Variants in NEIL3 observed in about 807,000 individuals in gnomAD.
NEIL3 encodes the protein endonuclease 8-like 3.
Under a neutral mutation model 57.5 loss-of-function variants are expected in NEIL3, and 48 were observed. That is an observed-to-expected ratio of 0.83 (90% confidence interval 0.66 to 1.06). NEIL3 has a LOEUF of 1.06. Ranked by LOEUF, NEIL3 falls within the 50% of genes least tolerant of loss-of-function variation. The probability of loss-of-function intolerance (pLI) is 0.00; values close to 1 mark genes in which losing one functional copy is unlikely to be tolerated. For synonymous variants in NEIL3, 261 were observed against 253.2 expected, an observed-to-expected ratio of 1.03 and a Z score of -0.29; for missense variants, 717 against 739.1, an observed-to-expected ratio of 0.97 and a Z score of 0.35.
intron 1 of NEIL3, among the ~76,000 whole-genome samples, chr4:177,310,560 T>C (rs1456003039): frequency 6.6e-6 from 1 of 152,218 alleles, no homozygotes; most frequent in Admixed American, 6.5e-5. Flanking sequence ...TCACAACTAG[T>C]ATATAATTCT....
chr4:177,339,718 C>T lies in NEIL3; in HGVS notation c.628-65C>T, dbSNP rs12645561. 0.13 allele frequency: 132,369 copies of T among 1,016,098 alleles called. 9,914 individuals carry two copies. The highest frequency in any genetic ancestry group is 0.32 in the East Asian group (13,197 of 41,652). The allele number at this position is 1,016,098 out of a possible 1,614,324, so 62.9% of individuals were successfully genotyped here. A position where few individuals can be genotyped will look rare whatever the true frequency, so the allele number is the denominator to read the frequency against. On this transcript the variant is annotated intron_variant, in intron 4 of 9. Transcript: ENST00000264596. ...GTTCTCTTTCACAGAATTGGCAAGGCGTATTATTTCTTACAGTAATGAGCA... is the reference window on the plus strand; with the variant it reads ...GTTCTCTTTCACAGAATTGGCAAGGTGTATTATTTCTTACAGTAATGAGCA...
chr4:177,322,614 CTA>C, intron 2 of NEIL3, 34 bp downstream of exon 2: 1 of 1,612,484 alleles, frequency 6.2e-7, no homozygotes, highest in Non-Finnish European at 8.5e-7. Flanking sequence ...TCTTATCTCT[CTA>C]TATTTAAAGA....
At chr4:177,326,734 T>C (rs1734786141) in intron 2 of NEIL3, among the ~76,000 whole-genome samples, 1 of 152,234 alleles carries the variant, frequency 6.6e-6, no homozygotes, top group African/African-American at 2.4e-5. Flanking sequence ...TCTTTATCAG[T>C]ATTTTGTAAT....
At chr4:177,353,765 CTTTTTT>C in intron 8 of NEIL3, 37 bp downstream of exon 8, 8 of 1,214,604 alleles carry the variant, frequency 6.6e-6, no homozygotes, top group South Asian at 4.2e-5. Context: ...AAGATAATTG[CTTTTTT>C]TTTTTTTTTT....
intron 6 of NEIL3, 143 bp downstream of exon 6, chr4:177,341,785 G>A (rs1315520343): frequency 1.4e-6 from 1 of 719,096 alleles, no homozygotes; most frequent in African/African-American, 1.8e-5. Context: ...AAAGGAAATA[G>A]TAAATAATGT....
At position 177,351,364 on chromosome 4, in the gene NEIL3, A is replaced by T. The variant is rs188829814; in HGVS notation, c.870-16A>T. On this transcript the variant is annotated splice_polypyrimidine_tract_variant and intron_variant, in intron 6 of 9. Transcript: ENST00000264596. ...GGCAATAATAACAATGATTAATTTT[A>T]AAAATTATCTTATAGCAAGCTACCG... The T allele has an allele frequency of 4.4e-4, 696 of 1,579,372 alleles. 3 individuals carry two copies. The African/African-American group carries it at 8.5e-3, about 19-fold the overall frequency.
intron 4 of NEIL3, among the ~76,000 whole-genome samples, chr4:177,336,747 T>C (rs35079189): frequency 0.022 from 3,379 of 152,350 alleles, 68 homozygotes; most frequent in Admixed American, 0.061. Flanking sequence ...AGGCATTAGA[T>C]ATTAATATTT....
At chr4:177,332,864 C>T (rs1057331412) in intron 2 of NEIL3, among the ~76,000 whole-genome samples, 1 of 152,132 alleles carries the variant, frequency 6.6e-6, no homozygotes, top group African/African-American at 2.4e-5. Flanking sequence ...GGGCTTGTCA[C>T]ATTTTGGAAT....
intron 6 of NEIL3, among the ~76,000 whole-genome samples, chr4:177,341,969 C>A (rs571751106): frequency 6.6e-6 from 1 of 152,300 alleles, no homozygotes; most frequent in East Asian, 1.9e-4. Context: ...AAAGTCTCTG[C>A]TTCACTTAGA....
At position 177,310,158 on chromosome 4, in the gene NEIL3, AT is replaced by A. The variant is rs772556908; in HGVS notation, c.156+50del. On this transcript the variant is annotated intron_variant, in intron 1 of 9. Coordinates refer to ENST00000264596, the MANE Select transcript of NEIL3 (RefSeq NM_018248.3). ...ATGCAGTCAGCAGGGGGGAAATGGA[AT>A]AAAGACCCCATCAGGGTTCCAGGAT... 5 of 1,477,056 alleles carry A rather than the reference AT, an allele frequency of 3.4e-6. No homozygotes were observed. In the East Asian group the frequency reaches 1.1e-4, roughly 32 times the overall value. 91.5% of individuals were successfully genotyped at this position (1,477,056 alleles called of 1,614,324 possible).
chr4:177,352,841 AAG>A (rs34568171), intron 7 of NEIL3, among the ~76,000 whole-genome samples: 45,558 of 150,286 alleles, frequency 0.3, 8,204 homozygotes, highest in Middle Eastern at 0.53. Context: ...AAAAAAAAAA[AAG>A]AAGATGTTAA....
chr4:177,339,116 G>A (rs901474826), intron 4 of NEIL3, among the ~76,000 whole-genome samples: 2 of 152,084 alleles, frequency 1.3e-5, no homozygotes, highest in Non-Finnish European at 2.9e-5. Flanking sequence ...AGGAATTGGG[G>A]TGCTAACCCC....
intron 5 of NEIL3, among the ~76,000 whole-genome samples, chr4:177,340,877 A>G (rs1023385014): frequency 1.3e-5 from 2 of 152,180 alleles, no homozygotes; most frequent in African/African-American, 4.8e-5. Context: ...TTGAAGTAGA[A>G]TTTATACCAA....
intron 6 of NEIL3, among the ~76,000 whole-genome samples, chr4:177,346,356 A>G (rs1031892683): frequency 2.7e-4 from 41 of 151,578 alleles, no homozygotes; most frequent in African/African-American, 9.7e-4. Flanking sequence ...ATTTTTAGAG[A>G]TGGAATCTTG....
chr4:177,351,516 G>C lies in NEIL3; in HGVS notation c.1006G>C (p.Ala336Pro), dbSNP rs1735352403. ...TTTAATCAATAAGCCCTCTTCTAAG[G>C]CATGTGATGCTTGCTTGACCTCAAG... The part of the protein sequence containing the change: ...CTLINKPSSK[A>P]CDACLTSRPI... Residue 336 changes from alanine to proline, a missense_variant, in exon 7 of 10, where the codon GCA becomes CCA. Physicochemically the swap from Ala to Pro is conservative, Grantham distance 27. Coordinates refer to ENST00000264596, the MANE Select transcript of NEIL3 (RefSeq NM_018248.3). 1 of 1,613,448 alleles carries C rather than the reference G, an allele frequency of 6.2e-7. No homozygotes were observed. Among genetic ancestry groups the C allele is most frequent in the Non-Finnish European group, 8.5e-7 (1 of 1,179,836 alleles).
intron 4 of NEIL3, among the ~76,000 whole-genome samples, chr4:177,337,989 AG>A (rs1445674357): frequency 6.6e-6 from 1 of 151,584 alleles, no homozygotes; most frequent in Non-Finnish European, 1.5e-5. Flanking sequence ...ACTGCACTGC[AG>A]TCTGGCAACA....
rs931427685 is a variant in NEIL3 at position 177,310,405 on chromosome 4, A to G, written c.156+296A>G. ...TACTTAACTTCTTTATGATACACACATGGTTTCCCATGTCTACAGCTGCAT... is the reference window on the plus strand; with the variant it reads ...TACTTAACTTCTTTATGATACACACGTGGTTTCCCATGTCTACAGCTGCAT... On this transcript the variant is annotated intron_variant, in intron 1 of 9. Transcript: ENST00000264596. 3.3e-5 allele frequency among the ~76,000 whole-genome samples: 5 copies of G among 152,316 alleles called. No homozygotes were observed. The East Asian group carries it at 7.7e-4, about 24-fold the overall frequency.
At chr4:177,350,422 A>G (rs1451643628) in intron 6 of NEIL3, among the ~76,000 whole-genome samples, 2 of 152,208 alleles carry the variant, frequency 1.3e-5, no homozygotes, top group Non-Finnish European at 2.9e-5. Flanking sequence ...TCAATGAAGG[A>G]CTTCAGATGG....
intron 4 of NEIL3, among the ~76,000 whole-genome samples, chr4:177,339,162 C>T (rs1379448235): frequency 1.3e-5 from 2 of 152,184 alleles, no homozygotes; most frequent in Non-Finnish European, 2.9e-5. Flanking sequence ...TTTGACTCTT[C>T]AAAAACGTAA....
Sources: gnomAD v4.1 joint callset for allele counts (sites outside exome capture counted in the v4.1 genomes callset) on GRCh38, gnomAD v4.1.1 for gene constraint, MANE v1.5 for transcripts, NCBI Gene and HGNC (gene_info 2026-07-23, HGNC 2026-07-21) for gene names.